Variants in UGT1A10 observed in about 807,000 individuals in gnomAD.
The protein encoded by UGT1A10 is UDP glucuronosyltransferase family 1 member A10.
UGT1A10 carries 49 observed loss-of-function variants against 45.8 expected under a neutral mutation model. The ratio of observed to expected loss-of-function variants is 1.07; its 90% CI spans 0.85 to 1.36. UGT1A10 has a LOEUF of 1.36. Among genes scored for constraint, UGT1A10 ranks in the 40% most tolerant of loss-of-function variants. The pLI is 0.00. For missense variants in UGT1A10, 745 were observed against 668.6 expected (o/e 1.11, Z -1.26); for synonymous variants, 284 against 249.7 (o/e 1.14, Z -1.29).
At chr2:233,713,830 A>G (rs1248419431) in intron 1 of UGT1A10, 3 of 1,613,954 alleles carry the variant, frequency 1.9e-6, no homozygotes, top group African/African-American at 1.3e-5. Context: ...GGGGGCATCA[A>G]CTGTGCCAAC....
chr2:233,682,196 G>T (rs1239084730), intron 1 of UGT1A10: 1 of 1,614,072 alleles, frequency 6.2e-7, no homozygotes, highest in African/African-American at 1.3e-5. Context: ...GGAGGATCAG[G>T]ACCGGGAGTT....
At chr2:233,663,508 G>A (rs886997768) in intron 1 of UGT1A10, among the ~76,000 whole-genome samples, 2 of 152,066 alleles carry the variant, frequency 1.3e-5, no homozygotes, top group Non-Finnish European at 2.9e-5. Flanking sequence ...ATCAAGGACA[G>A]GGTCTGCAAA....
At chr2:233,660,664 G>A (rs1020289532) in intron 1 of UGT1A10, among the ~76,000 whole-genome samples, 1 of 152,122 alleles carries the variant, frequency 6.6e-6, no homozygotes, top group Non-Finnish European at 1.5e-5. Context: ...TGCATAAGAC[G>A]ACAGAGTTAG....
intron 1 of UGT1A10, among the ~76,000 whole-genome samples, chr2:233,668,551 A>G (rs931205380): frequency 7.2e-5 from 11 of 152,214 alleles, no homozygotes; most frequent in South Asian, 2.1e-4. Context: ...CATGATTTAT[A>G]ATCCTTTGGA....
intron 1 of UGT1A10, among the ~76,000 whole-genome samples, chr2:233,641,967 T>C (rs780802281): frequency 2.0e-5 from 3 of 152,184 alleles, no homozygotes; most frequent in African/African-American, 4.8e-5. Context: ...GTTTGATTAT[T>C]AAATGCCTTG....
chr2:233,679,187 T>C (rs1239958133), intron 1 of UGT1A10, among the ~76,000 whole-genome samples: 3 of 152,200 alleles, frequency 2.0e-5, no homozygotes, highest in Admixed American at 6.5e-5. Context: ...TTTTGACACC[T>C]TCAGTGTTGA....
intron 1 of UGT1A10, chr2:233,718,717 C>T (rs1286763118): frequency 2.5e-5 from 40 of 1,608,524 alleles, no homozygotes; most frequent in Non-Finnish European, 3.2e-5. Context: ...CAATTACATG[C>T]TGATTTGCTA....
At chr2:233,684,330 T>G (rs1255632996) in intron 1 of UGT1A10, among the ~76,000 whole-genome samples, 2 of 152,192 alleles carry the variant, frequency 1.3e-5, no homozygotes, top group Non-Finnish European at 2.9e-5. Context: ...TGTAGGACGC[T>G]AAGAGGATAG....
At chr2:233,692,915 C>T in intron 1 of UGT1A10, 1 of 1,562,208 alleles carries the variant, frequency 6.4e-7, no homozygotes, top group Non-Finnish European at 8.6e-7. Flanking sequence ...CTGTGAAAAG[C>T]AGTGGTTAGT....
intron 1 of UGT1A10, among the ~76,000 whole-genome samples, chr2:233,688,986 C>G (rs531917825): frequency 6.6e-6 from 1 of 152,328 alleles, no homozygotes; most frequent in South Asian, 2.1e-4. Flanking sequence ...CCCTTCATCC[C>G]TATGTCCCAG....
At chr2:233,676,740 G>A (rs1315803539) in intron 1 of UGT1A10, among the ~76,000 whole-genome samples, 5 of 152,122 alleles carry the variant, frequency 3.3e-5, no homozygotes, top group African/African-American at 4.8e-5. Flanking sequence ...TGTTTTCATC[G>A]TGGTAAAACT....
At chr2:233,718,993 C>CGGT (rs2076711815) in intron 1 of UGT1A10, 1 of 1,614,206 alleles carries the variant, frequency 6.2e-7, no homozygotes, top group Non-Finnish European at 8.5e-7. Flanking sequence ...GGCCACCAGG[C>CGGT]GGTGGTCCTC....
chr2:233,693,915 C>T, intron 1 of UGT1A10: 1 of 1,611,846 alleles, frequency 6.2e-7, no homozygotes, highest in South Asian at 1.1e-5. Context: ...CAGGCTCTGT[C>T]CTCCCTCACT....
intron 1 of UGT1A10, among the ~76,000 whole-genome samples, chr2:233,727,296 G>A (rs1359558344): frequency 1.3e-5 from 2 of 152,036 alleles, no homozygotes; most frequent in Non-Finnish European, 2.9e-5. Context: ...TGATGACTTG[G>A]GCAGCTCCTT....
At chr2:233,714,888 A>ATCTTTTTTTTT (rs148944858) in intron 1 of UGT1A10, among the ~76,000 whole-genome samples, 2 of 151,904 alleles carry the variant, frequency 1.3e-5, no homozygotes, top group African/African-American at 2.4e-5. Context: ...AAATTTTTCT[A>ATCTTTTTTTTT]TCTTTTGAGA....
intron 1 of UGT1A10, chr2:233,719,665 C>A (rs761217423): frequency 6.2e-7 from 1 of 1,614,054 alleles, no homozygotes; most frequent in East Asian, 2.2e-5. Flanking sequence ...ATCAACTGTG[C>A]CAACGGGAAG....
At chr2:233,641,098 C>G (rs1470682038) in intron 1 of UGT1A10, among the ~76,000 whole-genome samples, 1 of 152,198 alleles carries the variant, frequency 6.6e-6, no homozygotes, top group South Asian at 2.1e-4. Flanking sequence ...CTCTGCAGCA[C>G]AAGCACCATC....
At chr2:233,645,216 A>G (rs1284485888) in intron 1 of UGT1A10, among the ~76,000 whole-genome samples, 1 of 152,210 alleles carries the variant, frequency 6.6e-6, no homozygotes, top group African/African-American at 2.4e-5. Context: ...CTATCAAGAG[A>G]ACAGCATGGG....
At chr2:233,752,746 AAAACAAACAAAC>A (rs200752387) in intron 1 of UGT1A10, among the ~76,000 whole-genome samples, 1 of 152,190 alleles carries the variant, frequency 6.6e-6, no homozygotes, top group East Asian at 1.9e-4. Flanking sequence ...CCCTGTCTCT[AAAACAAACAAAC>A]AAACAAACAA....
Sources: gnomAD v4.1 joint callset for allele counts (sites outside exome capture counted in the v4.1 genomes callset) on GRCh38, gnomAD v4.1.1 for gene constraint, MANE v1.5 for transcripts, NCBI Gene and HGNC (gene_info 2026-07-23, HGNC 2026-07-21) for gene names.